SYS1: variants seen among roughly 807,000 people sequenced by gnomAD.
SYS1 encodes protein SYS1 homolog.
A neutral mutation model predicts 17.8 loss-of-function variants in SYS1; 8 were observed. The ratio of observed to expected loss-of-function variants is 0.45; its 90% CI spans 0.26 to 0.81. The LOEUF (loss-of-function observed/expected upper bound fraction) is 0.81, where lower values mean the gene tolerates loss of function less well. Ranked by LOEUF, SYS1 falls within the 40% of genes least tolerant of loss-of-function variation. The probability of loss-of-function intolerance (pLI) is 0.16; values close to 1 mark genes in which losing one functional copy is unlikely to be tolerated. For missense variants in SYS1, 161 were observed against 203.9 expected (o/e 0.79, Z 1.28); for synonymous variants, 95 against 90.9 (o/e 1.05, Z -0.26).
chr20:45,368,950 G>A lies in SYS1; in HGVS notation c.*1835G>A. The A allele has an allele frequency of 1.1e-6, 1 of 887,794 alleles. No individual in the cohort carries two copies. Among genetic ancestry groups the A allele is most frequent in the South Asian group, 5.2e-5 (1 of 19,398 alleles). The allele number at this position is 887,794 out of a possible 1,614,324, so 55.0% of individuals were successfully genotyped here. The stretch of plus-strand genomic sequence containing the variant: ...GCCTATTTTTCTGCATATCTTCTGT[G>A]ATGACAAATCTCTGTCCCCTGAGTG... On this transcript the variant is annotated 3_prime_UTR_variant, in exon 4 of 4. Transcript: ENST00000243918.
downstream of SYS1, chr20:45,374,098 C>T: frequency 1.6e-6 from 2 of 1,251,230 alleles, no homozygotes; most frequent in Non-Finnish European, 2.3e-6. Context: ...GACAAGGGTG[C>T]TGTGGTGTCT....
chr20:45,369,954 C>A (rs149030017), downstream of SYS1, among the ~76,000 whole-genome samples: 119 of 149,244 alleles, frequency 8.0e-4, no homozygotes, highest in East Asian at 0.022. Flanking sequence ...AGTTTCACTC[C>A]GACTTCATTA....
At chr20:45,365,137 G>T (rs956153877) in intron 2 of SYS1, 3 of 264,314 alleles carry the variant, frequency 1.1e-5, no homozygotes, top group African/African-American at 6.7e-5. Context: ...CTAGCCTAGG[G>T]ATCAGCAAAC....
chr20:45,367,314 CTGTT>C lies in SYS1; in HGVS notation c.*200_*203del, dbSNP rs772077121. The C allele has an allele frequency of 8.9e-5, 125 of 1,411,526 alleles. No homozygotes were observed. The highest frequency in any genetic ancestry group is 1.2e-4 in the Non-Finnish European group (125 of 1,085,034). The allele number at this position is 1,411,526 out of a possible 1,614,324, so 87.4% of individuals were successfully genotyped here. The stretch of plus-strand genomic sequence containing the variant: ...TGACAGCTGCAAGAATGACCTCTGT[CTGTT>C]GAAGCCTTGGTATCTGAGAGGTCAG... On this transcript the variant is annotated 3_prime_UTR_variant, in exon 4 of 4. Transcript: ENST00000243918.
In SYS1 at chr20:45,368,166, G is replaced by A. The variant is rs1988478662; in HGVS notation, c.*1051G>A. The stretch of plus-strand genomic sequence containing the variant: ...CCACGGTTGAGATTGAGAGAGATCA[G>A]CGCAGCCAGGCAAGGGAACTTTAAA... On this transcript the variant is annotated 3_prime_UTR_variant, in exon 4 of 4. Transcript: ENST00000243918. 1 of 985,306 alleles carries A rather than the reference G, an allele frequency of 1.0e-6. No individual in the cohort carries two copies. The highest frequency in any genetic ancestry group is 1.7e-5 in the African/African-American group (1 of 57,238). 61.0% of individuals were successfully genotyped at this position (985,306 alleles called of 1,614,324 possible).
exon 4 of SYS1, chr20:45,374,362 C>A: frequency 3.0e-6 from 2 of 657,472 alleles, no homozygotes; most frequent in South Asian, 3.4e-5. Context: ...AGCCTCGACT[C>A]CTGGGCTTAA....
exon 4 of SYS1, chr20:45,375,177 C>G: frequency 6.2e-7 from 1 of 1,614,176 alleles, no homozygotes; most frequent in Non-Finnish European, 8.5e-7. Context: ...GCCCCTCAAA[C>G]CAGATCCACT....
chr20:45,373,559 T>C, downstream of SYS1: 1 of 336,860 alleles, frequency 3.0e-6, no homozygotes, highest in Non-Finnish European at 5.6e-6. Flanking sequence ...CTCCTGCCAC[T>C]TTCTAGCTGA....
chr20:45,374,718 G>T, exon 4 of SYS1: 1 of 445,334 alleles, frequency 2.2e-6, no homozygotes, highest in South Asian at 4.2e-5. Context: ...CACTTATGTA[G>T]GCCTCTGACT....
downstream of SYS1, among the ~76,000 whole-genome samples, chr20:45,370,728 T>G (rs1988543791): frequency 6.6e-6 from 1 of 151,946 alleles, no homozygotes; most frequent in East Asian, 1.9e-4. Context: ...CAGAAGGCAG[T>G]CAGTGCACAG....
At chr20:45,374,564 G>T (rs1988663996) in exon 4 of SYS1, 4 of 502,612 alleles carry the variant, frequency 8.0e-6, no homozygotes, top group Non-Finnish European at 1.4e-5. Context: ...GAGCCACCAT[G>T]CCTAGCCTGT....
chr20:45,374,227 T>C (rs928702040), intron 3 of SYS1: 2 of 686,106 alleles, frequency 2.9e-6, no homozygotes, highest in South Asian at 3.1e-5. Flanking sequence ...CTGCGGTATT[T>C]TCTTCTTTTT....
At chr20:45,374,552 G>C in exon 4 of SYS1, 1 of 511,444 alleles carries the variant, frequency 2.0e-6, no homozygotes, top group Non-Finnish European at 3.4e-6. Context: ...GATTACAGGC[G>C]TGAGCCACCA....
At chr20:45,372,333 C>A (rs1988580456), downstream of SYS1, among the ~76,000 whole-genome samples, 1 of 152,218 alleles carries the variant, frequency 6.6e-6, no homozygotes, top group Non-Finnish European at 1.5e-5. Context: ...AGTGGCGTTC[C>A]CAGTGGGCAA....
rs200191761 is a variant in SYS1, at chr20:45,375,260, G to A, written c.*966G>A. The A allele has an allele frequency of 1.1e-4, 185 of 1,614,112 alleles. 1 individual carries two copies. Among genetic ancestry groups the A allele is most frequent in the South Asian group, 2.7e-4 (25 of 91,090 alleles). ...CGGTAGGGCTTAATGAAGATGACTC[G>A]GGGGCCCTCGGTGAGTGGTTGCCTC... On this transcript the variant is annotated 3_prime_UTR_variant, in exon 4 of 4. Transcript: ENST00000426004.
exon 4 of SYS1, chr20:45,375,835 C>T (rs952724528): frequency 2.4e-6 from 1 of 411,898 alleles, no homozygotes; most frequent in Non-Finnish European, 4.4e-6. Flanking sequence ...TTCTGTCTCT[C>T]TGGACTTCAG....
At chr20:45,371,943 C>T (rs1283481516), downstream of SYS1, among the ~76,000 whole-genome samples, 1 of 152,220 alleles carries the variant, frequency 6.6e-6, no homozygotes, top group Admixed American at 6.5e-5. Context: ...ATTAGTATCA[C>T]TATTTTATAA....
In SYS1 at chr20:45,363,668, C is replaced by G; in HGVS notation, c.137C>G (p.Ser46Trp). The change falls in exon 2 of 4, where the codon TCG becomes TGG. Residue 46 changes from serine to tryptophan, a missense_variant. Coordinates refer to ENST00000243918, the MANE Select transcript of SYS1 (RefSeq NM_033542.4). ...LVDGLVRSSP[S>W]LDQMFDAEIL... ...GACGGGCTAGTGCGAAGCAGCCCCT[C>G]GCTGGACCAGATGTTCGACGCCGAG... 6.4e-7 allele frequency: 1 copy of G among 1,572,264 alleles called. No homozygotes were observed. The highest frequency in any genetic ancestry group is 8.6e-7 in the Non-Finnish European group (1 of 1,160,518).
exon 4 of SYS1, chr20:45,375,649 A>G (rs1296738992): frequency 6.9e-7 from 1 of 1,459,794 alleles, no homozygotes; most frequent in Non-Finnish European, 9.1e-7. Context: ...CTGTTAAGAA[A>G]GGCTAGAGGG....
Sources: allele counts gnomAD v4.1 joint callset (sites outside exome capture counted in the v4.1 genomes callset), GRCh38; gene constraint gnomAD v4.1.1; transcripts MANE v1.5; gene names NCBI Gene and HGNC (gene_info 2026-07-23, HGNC 2026-07-21).